The following ACVRL1 variants were observed in gnomAD, a reference collection of about 807,000 sequenced individuals.
ACVRL1 encodes activin A receptor like type 1, also known as activin receptor type-1-like.
A neutral mutation model predicts 51.9 loss-of-function variants in ACVRL1; 20 were observed. The ratio of observed to expected loss-of-function variants is 0.39; its 90% CI spans 0.27 to 0.56. ACVRL1 has a LOEUF of 0.56. Among genes scored for constraint, ACVRL1 ranks in the 20% least tolerant of loss-of-function variants. The pLI is 0.67. For missense variants in ACVRL1, 451 were observed against 670.3 expected (o/e 0.67, Z 3.61); for synonymous variants, 288 against 280.9 (o/e 1.03, Z -0.25).
intron 2 of ACVRL1, 141 bp from the exon 3 acceptor site, chr12:51,912,948 GAAGGATGACT>G: frequency 8.3e-7 from 1 of 1,208,814 alleles, no homozygotes; most frequent in African/African-American, 1.5e-5. Flanking sequence ...GGTTCTGAGG[GAAGGATGACT>G]GAGGATGAAA....
intron 9 of ACVRL1, 164 bp downstream of exon 9, chr12:51,919,279 T>C: frequency 2.8e-6 from 3 of 1,080,442 alleles, no homozygotes; most frequent in Non-Finnish European, 4.1e-6. Flanking sequence ...TGGCCCATGC[T>C]CCCTGCCCCC....
rs1442611250 is a variant in ACVRL1 at position 51,922,519 on chromosome 12, G to A, written c.*1626G>A. 6.6e-6 allele frequency: 1 copy of A among 152,292 alleles called. No individual in the cohort carries two copies. The highest frequency in any genetic ancestry group is 1.5e-5 in the Non-Finnish European group (1 of 68,074). The allele number at this position is 152,292 out of a possible 1,614,324, so 9.4% of individuals were successfully genotyped here. On this transcript the variant is annotated 3_prime_UTR_variant, in exon 10 of 10. Transcript: ENST00000388922. Reference sequence around the variant, plus strand: ...AGAGTGTGTCTCAGGAGAATTCAATGGCTCTAGAGAGACACACAGAAAGTT... The same window carrying A: ...AGAGTGTGTCTCAGGAGAATTCAATAGCTCTAGAGAGACACACAGAAAGTT...
In ACVRL1 at chr12:51,920,972, A is replaced by G; in HGVS notation, c.*79A>G. The G allele has an allele frequency of 6.8e-7, 1 of 1,468,246 alleles. No homozygotes were observed. Among genetic ancestry groups the G allele is most frequent in the South Asian group, 1.2e-5 (1 of 81,998 alleles). The allele number at this position is 1,468,246 out of a possible 1,614,324, so 91.0% of individuals were successfully genotyped here. A position where few individuals can be genotyped will look rare whatever the true frequency, so the allele number is the denominator to read the frequency against. ...AGTGGATGGTGCCCTATCTGGGTAG[A>G]GGTAGTGTGAGTGTGGTGTGTGCTG... On this transcript the variant is annotated 3_prime_UTR_variant, in exon 10 of 10. Coordinates refer to ENST00000388922, the MANE Select transcript of ACVRL1 (RefSeq NM_000020.3).
upstream of ACVRL1, chr12:51,907,113 C>A (rs1331080423): frequency 6.6e-6 from 1 of 152,278 alleles, no homozygotes; most frequent in African/African-American, 2.4e-5. The surrounding 1 kb of genome is among the most constrained non-coding windows in gnomAD (Gnocchi z 4.5). Context: ...CCCCTCTACC[C>A]CCACCCACTA....
In ACVRL1 at chr12:51,914,573, G is replaced by A. The variant is rs1406581295; in HGVS notation, c.760G>A (p.Asp254Asn). 3.7e-6 allele frequency: 6 copies of A among 1,613,308 alleles called. No individual in the cohort carries two copies. Among genetic ancestry groups the A allele is most frequent in the Non-Finnish European group, 3.4e-6 (4 of 1,179,656 alleles). Residue 254 changes from aspartate (D) to asparagine (N), a missense_variant, in exon 6 of 10, where the codon GAC becomes AAC. Asp to Asn is a conservative substitution (Grantham distance 23, BLOSUM62 1). Transcript: ENST00000388922. ...CTATAACACAGTGTTGCTCAGACAC[G>A]ACAACATCCTAGGCAAGGGGAGAGG... is the stretch of plus-strand genomic sequence containing the variant. ...EIYNTVLLRHDNILGFIASDM... is the reference protein window; with the variant it reads ...EIYNTVLLRHNNILGFIASDM...
intron 3 of ACVRL1, 101 bp from the exon 4 acceptor site, chr12:51,913,458 C>T (rs773300211): frequency 1.1e-4 from 64 of 567,640 alleles, no homozygotes; most frequent in East Asian, 2.4e-4. Flanking sequence ...GGCGGGGGAG[C>T]GGGTGGGCAG....
At position 51,922,556 on chromosome 12, in the gene ACVRL1, A is replaced by G. The variant is rs993132934; in HGVS notation, c.*1663A>G. 3.3e-5 allele frequency: 5 copies of G among 152,322 alleles called. No individual in the cohort carries two copies. Among genetic ancestry groups the G allele is most frequent in the Admixed American group, 3.3e-4 (5 of 15,290 alleles). 9.4% of individuals were successfully genotyped at this position (152,322 alleles called of 1,614,324 possible). ...ACACACAGAAAGTTTGGCATTTGGA[A>G]ATTTCAAGGATGTATGTATGCTCAC... On this transcript the variant is annotated 3_prime_UTR_variant, in exon 10 of 10. Transcript: ENST00000388922.
intron 1 of ACVRL1, among the ~76,000 whole-genome samples, chr12:51,909,302 T>C (rs1345802607): frequency 1.3e-5 from 2 of 152,116 alleles, no homozygotes; most frequent in Admixed American, 6.5e-5. Context: ...ACCACCTTTG[T>C]TGCCTGGGTC....
In ACVRL1 at chr12:51,913,510, G is replaced by C. The variant is rs200624173; in HGVS notation, c.314-49G>C. ...TGGCAGAGTGGTCTGGCCCGAGGTG[G>C]GGGGAGCTGACCTAGTGGAAGCTGA... On this transcript the variant is annotated intron_variant, in intron 3 of 9. Coordinates refer to ENST00000388922, the MANE Select transcript of ACVRL1 (RefSeq NM_000020.3). The C allele has an allele frequency of 3.1e-3, 4,929 of 1,565,568 alleles. 7 individuals carry two copies. The highest frequency in any genetic ancestry group is 6.1e-3 in the Middle Eastern group (27 of 4,430).
rs1374614032 is a variant in ACVRL1, at chr12:51,921,450, G to A, written c.*557G>A. The A allele has an allele frequency of 1.7e-4, 31 of 186,104 alleles. No homozygotes were observed. Among genetic ancestry groups the A allele is most frequent in the Admixed American group, 1.7e-3 (31 of 18,746 alleles). 11.5% of individuals were successfully genotyped at this position (186,104 alleles called of 1,614,324 possible). Reference sequence around the variant, plus strand: ...CTTGGGCTTTCTGTCTCCTCAACAAGAGTGCAGCTTGCTGAATGTCAGCTG... The same window carrying A: ...CTTGGGCTTTCTGTCTCCTCAACAAAAGTGCAGCTTGCTGAATGTCAGCTG... On this transcript the variant is annotated 3_prime_UTR_variant, in exon 10 of 10. Transcript: ENST00000388922.
chr12:51,918,202 G>A (rs1940885011), intron 8 of ACVRL1, among the ~76,000 whole-genome samples: 1 of 152,238 alleles, frequency 6.6e-6, no homozygotes, highest in Non-Finnish European at 1.5e-5. Flanking sequence ...GCTGGCTGCA[G>A]GAGTCAGCAG....
intron 8 of ACVRL1, among the ~76,000 whole-genome samples, chr12:51,916,910 G>T (rs1339476602): frequency 6.6e-6 from 1 of 152,200 alleles, no homozygotes; most frequent in African/African-American, 2.4e-5. Flanking sequence ...GGAGGCAGAG[G>T]TTGCGGTGAG....
chr12:51,920,941 G>GGGGGC lies in ACVRL1; in HGVS notation c.*49_*53dup. The GGGGGC allele has an allele frequency of 1.6e-6, 1 of 624,790 alleles. No homozygotes were observed. The highest frequency in any genetic ancestry group is 1.8e-5 in the African/African-American group (1 of 54,940). 38.7% of individuals were successfully genotyped at this position (624,790 alleles called of 1,614,324 possible). On this transcript the variant is annotated 3_prime_UTR_variant, in exon 10 of 10. Transcript: ENST00000388922. ...CTGCCTGCAGGGGGCTGGGGGGGTG[G>GGGGGC]GGGGCAGTGGATGGTGCCCTATCTG...
intron 1 of ACVRL1, among the ~76,000 whole-genome samples, chr12:51,909,913 A>G (rs1940657934): frequency 6.6e-6 from 1 of 152,228 alleles, no homozygotes; most frequent in African/African-American, 2.4e-5. Context: ...TTTCTGGCCA[A>G]CAATAGTGAT....
At chr12:51,908,958 C>T (rs11169951) in intron 1 of ACVRL1, among the ~76,000 whole-genome samples, 26,507 of 152,032 alleles carry the variant, frequency 0.17, 2,610 homozygotes, top group South Asian at 0.22. Context: ...TGCATCACCC[C>T]GCTGTGAAGG....
rs1318618209 is a variant in ACVRL1 at position 51,921,716 on chromosome 12, CCTTTT to C, written c.*834_*838del. ...TGACAAAAGCAGGCCTGTCTCAGGACCTTTTCTTTTCTTTTTTCCTTCTTTTTTTT... is the reference window on the plus strand; with the variant it reads ...TGACAAAAGCAGGCCTGTCTCAGGACCTTTTCTTTTTTCCTTCTTTTTTTT... On this transcript the variant is annotated 3_prime_UTR_variant, in exon 10 of 10. Transcript: ENST00000388922. The C allele has an allele frequency of 1.3e-5, 2 of 152,114 alleles. No homozygotes were observed. Among genetic ancestry groups the C allele is most frequent in the Admixed American group, 6.5e-5 (1 of 15,270 alleles). 9.4% of individuals were successfully genotyped at this position (152,114 alleles called of 1,614,324 possible).
Position 51,913,684 on chromosome 12 carries a change from C to T in ACVRL1, c.439C>T (p.Gln147Ter), listed in dbSNP as rs1555152650. 1 of 1,610,954 alleles carries T rather than the reference C, an allele frequency of 6.2e-7. No individual in the cohort carries two copies. Among genetic ancestry groups the T allele is most frequent in the Non-Finnish European group, 8.5e-7 (1 of 1,180,002 alleles). Residue 147 changes from glutamine (Q) to a stop codon, truncating the protein, a stop_gained, in exon 4 of 10, where the codon CAG becomes TAG. Coordinates refer to ENST00000388922, the MANE Select transcript of ACVRL1 (RefSeq NM_000020.3). LOFTEE classifies it high-confidence loss of function. The part of the protein sequence containing the change: ...VLGLWHVRRR[Q>*]EKQRGLHSEL... The stretch of plus-strand genomic sequence containing the variant: ...GGGCCTGTGGCATGTCCGACGGAGG[C>T]AGGAGAAGCAGCGTGGCCTGCACAG...
In ACVRL1 at chr12:51,914,497, C is replaced by G; in HGVS notation, c.684C>G (p.Val228=). ...TGTGGCACGGTGAGAGTGTGGCCGT[C>G]AAGATCTTCTCCTCGAGGGATGAAC... The part of the protein sequence containing the change: ...RGLWHGESVA[V]KIFSSRDEQS... Residue 228 remains valine (V), a synonymous_variant, in exon 6 of 10, where the codon GTC becomes GTG. Transcript: ENST00000388922. The G allele has an allele frequency of 6.2e-7, 1 of 1,614,176 alleles. No individual in the cohort carries two copies. Among genetic ancestry groups the G allele is most frequent in the Non-Finnish European group, 8.5e-7 (1 of 1,180,028 alleles).
At chr12:51,914,185 T>C (rs938691521) in intron 5 of ACVRL1, 112 bp downstream of exon 5, 33 of 946,874 alleles carry the variant, frequency 3.5e-5, no homozygotes, top group Middle Eastern at 2.5e-4. Context: ...TGGGTCAGAA[T>C]TGGAATTCTG....
Sources: gnomAD v4.1 joint callset for allele counts (sites outside exome capture counted in the v4.1 genomes callset) on GRCh38, gnomAD v4.1.1 for gene constraint, Gnocchi (gnomAD v3.1) non-coding constraint, MANE v1.5 for transcripts, NCBI Gene and HGNC (gene_info 2026-07-23, HGNC 2026-07-21) for gene names.